TCF12: variants seen among roughly 807,000 people sequenced by gnomAD.
TCF12 encodes DNA-binding protein HTF4.
A neutral mutation model predicts 86.0 loss-of-function variants in TCF12; 45 were observed. That is an observed-to-expected ratio of 0.52 (90% CI 0.41 to 0.67). TCF12 has a LOEUF of 0.67. Ranked by LOEUF, TCF12 falls within the 30% of genes least tolerant of loss-of-function variation. TCF12 has a pLI of 0.00. For synonymous variants in TCF12, 330 were observed against 299.6 expected (o/e 1.10, Z -1.05); for missense variants, 881 against 859.9 (o/e 1.02, Z -0.31).
chr15:56,961,216 G>A (rs569643432), intron 3 of TCF12, among the ~76,000 whole-genome samples: 26 of 152,206 alleles, frequency 1.7e-4, no homozygotes, highest in South Asian at 8.3e-4. Context: ...CATAACGAAG[G>A]TGTATTGGAT....
chr15:57,194,384 T>C (rs574719329), intron 7 of TCF12, among the ~76,000 whole-genome samples: 1 of 152,114 alleles, frequency 6.6e-6, no homozygotes, highest in Admixed American at 6.5e-5. Flanking sequence ...AAGGCTTGAG[T>C]TGGGATATGG....
intron 3 of TCF12, among the ~76,000 whole-genome samples, chr15:56,947,769 C>A (rs1374074130): frequency 6.6e-6 from 1 of 152,080 alleles, no homozygotes; most frequent in Non-Finnish European, 1.5e-5. Flanking sequence ...AGAGTAGAGG[C>A]AGGGTGCTTG....
chr15:57,072,994 A>C (rs2069544912), intron 4 of TCF12, among the ~76,000 whole-genome samples: 1 of 152,234 alleles, frequency 6.6e-6, no homozygotes, highest in South Asian at 2.1e-4. Flanking sequence ...GCAGATATTT[A>C]AAGTGAAAGA....
intron 3 of TCF12, among the ~76,000 whole-genome samples, chr15:56,959,845 TTA>T (rs1438404520): frequency 4.6e-5 from 7 of 152,186 alleles, no homozygotes; most frequent in Admixed American, 4.6e-4. Flanking sequence ...AAAACACTCC[TTA>T]TATATTGAAT....
chr15:56,941,749 TA>T (rs1199093790), intron 3 of TCF12, among the ~76,000 whole-genome samples: 1 of 151,852 alleles, frequency 6.6e-6, no homozygotes, highest in African/African-American at 2.4e-5. Context: ...GTTAGTCTTG[TA>T]TATAGTGCCC....
intron 3 of TCF12, among the ~76,000 whole-genome samples, chr15:56,983,179 T>TA (rs1307437142): frequency 6.6e-6 from 1 of 152,232 alleles, no homozygotes; most frequent in African/African-American, 2.4e-5. Flanking sequence ...TCTGTCCTGT[T>TA]ACCTTTGTCT....
At chr15:57,060,769 T>C (rs1269951375) in intron 3 of TCF12, among the ~76,000 whole-genome samples, 2 of 152,248 alleles carry the variant, frequency 1.3e-5, no homozygotes, top group African/African-American at 4.8e-5. Flanking sequence ...TTGGTCAATT[T>C]GTATAATATC....
chr15:56,976,794 G>T (rs1237473075), intron 3 of TCF12, among the ~76,000 whole-genome samples: 1 of 151,990 alleles, frequency 6.6e-6, no homozygotes, highest in South Asian at 2.1e-4. Flanking sequence ...AAATAGTAAA[G>T]AATAGCAAGG....
chr15:57,104,435 CTTTTTTTTTTTTTTT>C (rs71113062), intron 5 of TCF12, among the ~76,000 whole-genome samples: 3 of 103,362 alleles, frequency 2.9e-5, no homozygotes, highest in African/African-American at 1.0e-4. Flanking sequence ...TTTTTTTTTT[CTTTTTTTTTTTTTTT>C]TTTTTTTTTG....
rs866705175 is a variant in TCF12 at position 56,955,892 on chromosome 15, C to T, written c.148+34794C>T. On this transcript the variant is annotated intron_variant, in intron 3 of 20. Transcript: ENST00000333725. ...TATCCTTGCAGTTTCATCAGTTTGT[C>T]TTTACATATTTTGAATCTCTGTCTT... 3.9e-5 allele frequency among the ~76,000 whole-genome samples: 6 copies of T among 152,022 alleles called. No individual in the cohort carries two copies. The South Asian group carries it at 1.0e-3, about 26-fold the overall frequency.
chr15:57,232,693 CAT>C lies in TCF12; in HGVS notation c.826-16_826-15del. 1 of 1,604,942 alleles carries C rather than the reference CAT, an allele frequency of 6.2e-7. No homozygotes were observed. Among genetic ancestry groups the C allele is most frequent in the South Asian group, 1.1e-5 (1 of 90,026 alleles). On this transcript the variant is annotated splice_polypyrimidine_tract_variant and intron_variant, in intron 10 of 20. Coordinates refer to ENST00000333725, the MANE Select transcript of TCF12 (RefSeq NM_207037.2). ...TATTCAGAAAATATATTTAATAGATCATATCTCTTTCCATCTAGAGTTATCCT... is the reference window on the plus strand; with the variant it reads ...TATTCAGAAAATATATTTAATAGATCATCTCTTTCCATCTAGAGTTATCCT...
intron 5 of TCF12, among the ~76,000 whole-genome samples, chr15:57,159,963 T>C (rs2054380279): frequency 6.6e-6 from 1 of 152,236 alleles, no homozygotes; most frequent in Non-Finnish European, 1.5e-5. Flanking sequence ...AAAGAAATGC[T>C]GAGCAGGCTT....
chr15:56,994,949 A>G (rs1017962425), intron 3 of TCF12, among the ~76,000 whole-genome samples: 1 of 152,124 alleles, frequency 6.6e-6, no homozygotes, highest in African/African-American at 2.4e-5. Flanking sequence ...TCTTTAAAAT[A>G]CGTTGGATAA....
chr15:57,223,142 G>C (rs762202584), intron 8 of TCF12, among the ~76,000 whole-genome samples: 2 of 151,940 alleles, frequency 1.3e-5, no homozygotes, highest in African/African-American at 2.4e-5. Context: ...TCATTTAGCT[G>C]TTACTAGCTC....
At chr15:57,223,880 A>G (rs1467343359) in intron 8 of TCF12, among the ~76,000 whole-genome samples, 2 of 151,842 alleles carry the variant, frequency 1.3e-5, no homozygotes, top group African/African-American at 4.8e-5. Flanking sequence ...CCATGGGCCC[A>G]AAAGAGTTAA....
chr15:57,241,098 G>C (rs2059605684), intron 12 of TCF12, among the ~76,000 whole-genome samples: 1 of 147,738 alleles, frequency 6.8e-6, no homozygotes, highest in African/African-American at 2.5e-5. Context: ...CAATAATATT[G>C]ATTTTTTTTT....
At chr15:57,172,934 C>T (rs958194482) in intron 6 of TCF12, among the ~76,000 whole-genome samples, 2 of 147,628 alleles carry the variant, frequency 1.4e-5, no homozygotes, top group South Asian at 2.1e-4. Context: ...GACTCTGTCT[C>T]TATTAAAATT....
chr15:56,940,742 C>T (rs1196976068), intron 3 of TCF12, among the ~76,000 whole-genome samples: 2 of 101,088 alleles, frequency 2.0e-5, no homozygotes, highest in African/African-American at 4.5e-5. Flanking sequence ...CCCCCCCCTT[C>T]TCCTCCTTCT....
chr15:56,999,840 C>T (rs1287252333), intron 3 of TCF12, among the ~76,000 whole-genome samples: 1 of 152,026 alleles, frequency 6.6e-6, no homozygotes, highest in African/African-American at 2.4e-5. Context: ...AGCCACTGCA[C>T]TCCAGCCTGG....
Sources: allele counts gnomAD v4.1 joint callset (sites outside exome capture counted in the v4.1 genomes callset), GRCh38; gene constraint gnomAD v4.1.1; transcripts MANE v1.5; gene names NCBI Gene and HGNC (gene_info 2026-07-23, HGNC 2026-07-21).